PARD3B: variants seen among roughly 807,000 people sequenced by gnomAD.
PARD3B encodes partitioning defective 3 homolog B.
A neutral mutation model predicts 130.2 loss-of-function variants in PARD3B; 103 were observed. That is an observed-to-expected ratio of 0.79 (90% CI 0.67 to 0.93). PARD3B has a LOEUF of 0.93. PARD3B is among the 40% of genes least tolerant of loss of function. The pLI is 0.00. For missense variants in PARD3B, 1,609 were observed against 1,499.2 expected (o/e 1.07, Z -1.21); for synonymous variants, 583 against 553.2 (o/e 1.05, Z -0.76).
At chr2:205,393,206 T>C (rs562338440) in intron 18 of PARD3B, among the ~76,000 whole-genome samples, 6 of 152,320 alleles carry the variant, frequency 3.9e-5, no homozygotes, top group African/African-American at 1.4e-4. Context: ...GAGAAACCTT[T>C]TATAGGGTGA....
intron 18 of PARD3B, among the ~76,000 whole-genome samples, chr2:205,316,740 T>C (rs1348454381): frequency 6.6e-6 from 1 of 152,168 alleles, no homozygotes; most frequent in Non-Finnish European, 1.5e-5. Flanking sequence ...CCAGGCCTTT[T>C]TTTCAATGAG....
intron 18 of PARD3B, among the ~76,000 whole-genome samples, chr2:205,319,162 A>G (rs562450403): frequency 2.6e-5 from 4 of 152,284 alleles, no homozygotes; most frequent in African/African-American, 9.6e-5. Flanking sequence ...TACATCTGGC[A>G]TCTGGTCACC....
chr2:204,987,955 T>G (rs1405270274), intron 3 of PARD3B, among the ~76,000 whole-genome samples: 1 of 151,930 alleles, frequency 6.6e-6, no homozygotes, highest in Non-Finnish European at 1.5e-5. Context: ...GGATTGTTGA[T>G]GTGGAAATGA....
intron 18 of PARD3B, among the ~76,000 whole-genome samples, chr2:205,372,283 T>A (rs2044851599): frequency 6.6e-6 from 1 of 152,228 alleles, no homozygotes; most frequent in African/African-American, 2.4e-5. Flanking sequence ...CAGCAGGGTA[T>A]GAAGGCTCTA....
chr2:205,057,487 G>A (rs755417148), intron 4 of PARD3B, among the ~76,000 whole-genome samples: 3 of 143,230 alleles, frequency 2.1e-5, no homozygotes, highest in Non-Finnish European at 4.6e-5. Context: ...ATGTGTATGT[G>A]TATATGTATA....
chr2:205,576,237 G>A (rs1488355272), intron 22 of PARD3B, among the ~76,000 whole-genome samples: 2 of 151,378 alleles, frequency 1.3e-5, no homozygotes, highest in East Asian at 3.9e-4. Flanking sequence ...TCTTACTGTT[G>A]AGTTTTCACA....
chr2:205,533,777 T>TA (rs1236234740), intron 21 of PARD3B, among the ~76,000 whole-genome samples: 2 of 152,172 alleles, frequency 1.3e-5, no homozygotes, highest in African/African-American at 4.8e-5. Flanking sequence ...TCACCCAGGC[T>TA]AGAGTGCAGG....
At chr2:205,331,508 G>A (rs13392801) in intron 18 of PARD3B, among the ~76,000 whole-genome samples, 6 of 151,990 alleles carry the variant, frequency 3.9e-5, no homozygotes, top group Admixed American at 1.3e-4. Flanking sequence ...TGGGCCGGGC[G>A]TGGTGGTTCA....
At chr2:204,658,021 A>G (rs1187643124) in intron 1 of PARD3B, among the ~76,000 whole-genome samples, 7 of 152,194 alleles carry the variant, frequency 4.6e-5, no homozygotes, top group African/African-American at 1.7e-4. Context: ...GATGATTGTG[A>G]CTTAGACATG....
At chr2:204,716,210 A>G (rs898332225) in intron 2 of PARD3B, among the ~76,000 whole-genome samples, 4 of 152,180 alleles carry the variant, frequency 2.6e-5, no homozygotes, top group South Asian at 2.1e-4. Context: ...TCTGGTTGCT[A>G]TTGGTCCACT....
chr2:205,199,403 A>G (rs1348764389), intron 15 of PARD3B, among the ~76,000 whole-genome samples: 6 of 152,182 alleles, frequency 3.9e-5, no homozygotes, highest in African/African-American at 1.4e-4. Context: ...TGTAGAAAAG[A>G]GGAAGAGAGA....
rs541235098 is a variant in PARD3B at position 205,269,135 on chromosome 2, A to G, written c.2185+23313A>G. Among the ~76,000 whole-genome samples, 3 of 152,272 alleles carry G rather than the reference A, an allele frequency of 2.0e-5. No individual in the cohort carries two copies. The East Asian group carries it at 5.8e-4, about 29-fold the overall frequency. ...ACTTGTTTAAATATGTAAATCACTC[A>G]AAACTCAGAATTTTTGCATTTGACT... On this transcript the variant is annotated intron_variant, in intron 16 of 22. Transcript: ENST00000406610. The surrounding 1 kb of genome is among the most constrained non-coding windows in gnomAD (Gnocchi z 4.7).
intron 4 of PARD3B, among the ~76,000 whole-genome samples, chr2:205,053,465 C>T (rs777932655): frequency 2.0e-4 from 30 of 151,580 alleles, no homozygotes; most frequent in Non-Finnish European, 4.3e-4. Context: ...GGTGAGACCC[C>T]GTCTCTACTA....
chr2:205,170,798 CT>C (rs1280374123), intron 11 of PARD3B, among the ~76,000 whole-genome samples: 14 of 137,012 alleles, frequency 1.0e-4, no homozygotes, highest in Non-Finnish European at 1.3e-4. Flanking sequence ...TTTTCTTTTA[CT>C]TTTTTTTTCT....
chr2:205,098,733 C>T (rs1343422078), intron 4 of PARD3B, among the ~76,000 whole-genome samples: 1 of 152,132 alleles, frequency 6.6e-6, no homozygotes, highest in East Asian at 1.9e-4. Flanking sequence ...CTCTTGGTGC[C>T]TGGCCCCTTT....
At chr2:205,094,317 A>G (rs1343963381) in intron 4 of PARD3B, among the ~76,000 whole-genome samples, 9 of 152,200 alleles carry the variant, frequency 5.9e-5, no homozygotes, top group Non-Finnish European at 8.8e-5. Flanking sequence ...ACAGATGCAC[A>G]TGGCAAAGTC....
At chr2:204,553,650 CCATATA>C (rs1357565132) in intron 1 of PARD3B, among the ~76,000 whole-genome samples, 32 of 26,598 alleles carry the variant, frequency 1.2e-3, no homozygotes, top group African/African-American at 4.6e-3. Context: ...TTATATATAT[CCATATA>C]TATATATATA....
intron 18 of PARD3B, among the ~76,000 whole-genome samples, chr2:205,336,844 G>C (rs893260676): frequency 6.6e-6 from 1 of 152,138 alleles, no homozygotes; most frequent in Non-Finnish European, 1.5e-5. Flanking sequence ...TGCAAATGTA[G>C]GCCTAGGTGC....
chr2:205,028,753 G>A lies in PARD3B; in HGVS notation c.395-18828G>A, dbSNP rs989545607. ...AATTGTCTCTGTTTGCAGATGTCATGATCTTTTACATAGAAAACCCTAAGG... is the reference window on the plus strand; with the variant it reads ...AATTGTCTCTGTTTGCAGATGTCATAATCTTTTACATAGAAAACCCTAAGG... On this transcript the variant is annotated intron_variant, in intron 3 of 22. Coordinates refer to ENST00000406610, the MANE Select transcript of PARD3B (RefSeq NM_001302769.2). Among the ~76,000 whole-genome samples the A allele has an allele frequency of 2.6e-5, 4 of 152,236 alleles. No homozygotes were observed. The East Asian group carries it at 5.8e-4, about 22-fold the overall frequency.
Sources: gnomAD v4.1 joint callset for allele counts (sites outside exome capture counted in the v4.1 genomes callset) on GRCh38, gnomAD v4.1.1 for gene constraint, Gnocchi (gnomAD v3.1) non-coding constraint, MANE v1.5 for transcripts, NCBI Gene and HGNC (gene_info 2026-07-23, HGNC 2026-07-21) for gene names.